The following SCARB2 variants were observed in gnomAD, a reference collection of about 807,000 sequenced individuals.
SCARB2 encodes lysosome membrane protein 2.
SCARB2 carries 29 observed loss-of-function variants against 58.6 expected under a neutral mutation model. The observed-to-expected ratio is 0.49, with a 90% CI of 0.37 to 0.67. The LOEUF is 0.67. Ranked by LOEUF, SCARB2 falls within the 30% of genes least tolerant of loss-of-function variation. The pLI, the probability that SCARB2 is intolerant of heterozygous loss-of-function variation, is 0.00. For missense variants in SCARB2, 488 were observed against 578.5 expected (o/e 0.84, Z 1.60); for synonymous variants, 195 against 210.1 (o/e 0.93, Z 0.62).
chr4:76,179,643 G>A lies in SCARB2; in HGVS notation c.486C>T (p.Ala162=), dbSNP rs143518519. 8.7e-5 allele frequency: 141 copies of A among 1,614,090 alleles called. No individual in the cohort carries two copies. In the African/African-American group the frequency reaches 1.7e-3, roughly 19 times the overall value. The change falls in exon 4 of 12, where the codon GCC becomes GCT. Residue 162 remains alanine, a synonymous_variant. Transcript: ENST00000264896. ...LREIIEAMLK[A]YQQKLFVTHT... is the part of the protein sequence containing the mutation. ...GAGTCACAAAGAGCTTCTGCTGATA[G>A]GCTTTCAACATGGCCTCGATGATCT...
At chr4:76,191,694 TCTCC>T (rs571766501) in intron 2 of SCARB2, among the ~76,000 whole-genome samples, 155 of 152,080 alleles carry the variant, frequency 1.0e-3, no homozygotes, top group African/African-American at 3.6e-3. Flanking sequence ...GTCTCAGGTC[TCTCC>T]CTCTTTCTTT....
At chr4:76,193,068 G>C (rs982131078) in intron 2 of SCARB2, 5 of 152,344 alleles carry the variant, frequency 3.3e-5, no homozygotes, top group African/African-American at 1.2e-4. Flanking sequence ...GACCAGGCCA[G>C]GGGCACTACT....
At chr4:76,211,908 C>T (rs1431782616) in intron 1 of SCARB2, among the ~76,000 whole-genome samples, 1 of 152,192 alleles carries the variant, frequency 6.6e-6, no homozygotes, top group East Asian at 1.9e-4. Context: ...GAACAGAGTC[C>T]ATTCCTCATG....
At chr4:76,181,321 C>G (rs547273361) in intron 2 of SCARB2, among the ~76,000 whole-genome samples, 1 of 152,170 alleles carries the variant, frequency 6.6e-6, no homozygotes, top group Non-Finnish European at 1.5e-5. Flanking sequence ...CTTTGTTTTC[C>G]TTCTTTTCTT....
chr4:76,218,838 G>T (rs1360451826), intron 1 of SCARB2, among the ~76,000 whole-genome samples: 1 of 152,138 alleles, frequency 6.6e-6, no homozygotes, highest in Non-Finnish European at 1.5e-5. Context: ...GGGCAAAAAG[G>T]GTGAATATGT....
chr4:76,232,001 G>T (rs1467972658), intron 1 of SCARB2, among the ~76,000 whole-genome samples: 1 of 152,124 alleles, frequency 6.6e-6, no homozygotes, highest in Non-Finnish European at 1.5e-5. Flanking sequence ...AGAGAGAAGT[G>T]GATTCCTATT....
intron 1 of SCARB2, among the ~76,000 whole-genome samples, chr4:76,210,510 C>A (rs1161975041): frequency 1.3e-5 from 2 of 152,196 alleles, no homozygotes; most frequent in Admixed American, 1.3e-4. Context: ...GGAAAAGGAA[C>A]TGCTGGGTCT....
At chr4:76,209,360 T>C (rs1560721537) in intron 1 of SCARB2, among the ~76,000 whole-genome samples, 1 of 152,144 alleles carries the variant, frequency 6.6e-6, no homozygotes, top group Non-Finnish European at 1.5e-5. Context: ...TTTTACTTCT[T>C]TTTTTATTTT....
At chr4:76,231,696 G>A (rs1733496590) in intron 1 of SCARB2, among the ~76,000 whole-genome samples, 1 of 152,180 alleles carries the variant, frequency 6.6e-6, no homozygotes, top group Non-Finnish European at 1.5e-5. Context: ...AATCAGATAA[G>A]ACCTTTTAAA....
chr4:76,174,148 C>A lies in SCARB2; in HGVS notation c.990G>T (p.Lys330Asn). The A allele has an allele frequency of 6.2e-7, 1 of 1,613,776 alleles. No homozygotes were observed. The highest frequency in any genetic ancestry group is 1.1e-5 in the South Asian group (1 of 91,046). Reference protein sequence around the residue: ...GSGVLNVSICKNGAPIIMSFP... With the variant: ...GSGVLNVSICNNGAPIIMSFP... ...GTCCCCTCTCTGAGTTCTTACCATT[C>A]TTGCAGATGCTGACATTCAGAACTC... Residue 330 changes from lysine to asparagine, a missense_variant, in exon 7 of 12, where the codon AAG becomes AAT. By Grantham distance (94) the Lys-to-Asn change is moderately conservative. Transcript: ENST00000264896.
chr4:76,176,177 T>A (rs1484634604), intron 5 of SCARB2: 2 of 603,410 alleles, frequency 3.3e-6, no homozygotes, highest in African/African-American at 3.7e-5. Flanking sequence ...CATCACTCAA[T>A]GACTACTAAG....
intron 1 of SCARB2, among the ~76,000 whole-genome samples, chr4:76,210,671 A>G (rs1733026643): frequency 2.6e-5 from 4 of 152,250 alleles, no homozygotes; most frequent in Admixed American, 2.6e-4. Flanking sequence ...AAACAATTAC[A>G]GGCCTTGCCC....
intron 1 of SCARB2, among the ~76,000 whole-genome samples, chr4:76,196,313 A>G (rs915216476): frequency 5.9e-5 from 9 of 152,204 alleles, no homozygotes; most frequent in Non-Finnish European, 4.4e-5. Context: ...AGATCGTGCC[A>G]CTGCACTCCA....
At chr4:76,217,012 G>A (rs1040260743), upstream of SCARB2, among the ~76,000 whole-genome samples, 2 of 152,194 alleles carry the variant, frequency 1.3e-5, no homozygotes, top group Non-Finnish European at 1.5e-5. Context: ...ATGTTCAGAA[G>A]CTTTTGACAC....
chr4:76,206,663 G>T (rs17001644), intron 1 of SCARB2, among the ~76,000 whole-genome samples: 1 of 150,984 alleles, frequency 6.6e-6, no homozygotes, highest in Non-Finnish European at 1.5e-5. Context: ...AACTAAATAC[G>T]ACAGGACATC....
intron 1 of SCARB2, among the ~76,000 whole-genome samples, chr4:76,196,599 C>T (rs1366468932): frequency 1.3e-5 from 2 of 152,132 alleles, no homozygotes; most frequent in African/African-American, 4.8e-5. Context: ...GGGGAAGGGC[C>T]CAAGAAGGCC....
At chr4:76,195,935 G>T (rs1437159176) in intron 1 of SCARB2, 71 bp from the exon 2 acceptor site, 84 of 1,187,798 alleles carry the variant, frequency 7.1e-5, no homozygotes, top group Non-Finnish European at 9.7e-5. Flanking sequence ...AGAAGCAGAG[G>T]AAGGGACGCC....
chr4:76,208,024 T>C (rs1227651231), intron 1 of SCARB2, among the ~76,000 whole-genome samples: 2 of 152,232 alleles, frequency 1.3e-5, no homozygotes, highest in Admixed American at 6.5e-5. Flanking sequence ...AAAATGCATA[T>C]TCCCAAAATT....
At chr4:76,176,089 T>C in intron 5 of SCARB2, 179 bp from the exon 6 acceptor site, 1 of 762,172 alleles carries the variant, frequency 1.3e-6, no homozygotes, top group Non-Finnish European at 2.1e-6. Context: ...CTGGCCCAAA[T>C]CAGCTTTCAT....
Sources: allele counts gnomAD v4.1 joint callset (sites outside exome capture counted in the v4.1 genomes callset), GRCh38; gene constraint gnomAD v4.1.1; transcripts MANE v1.5; gene names NCBI Gene and HGNC (gene_info 2026-07-23, HGNC 2026-07-21).